The following PPP4R1 variants were observed in gnomAD, a reference collection of about 807,000 sequenced individuals.
The protein encoded by PPP4R1 is serine/threonine-protein phosphatase 4 regulatory subunit 1.
PPP4R1 carries 42 observed loss-of-function variants against 111.2 expected under a neutral mutation model. That is an observed-to-expected ratio of 0.38 (90% confidence interval 0.29 to 0.49). PPP4R1 has a LOEUF of 0.49. Ranked by LOEUF, PPP4R1 falls within the 20% of genes least tolerant of loss-of-function variation. The probability of loss-of-function intolerance (pLI) is 0.97; values close to 1 mark genes in which losing one functional copy is unlikely to be tolerated. For missense variants in PPP4R1, 1,012 were observed against 1,161.6 expected, an observed-to-expected ratio of 0.87 and a Z score of 1.87; for synonymous variants, 409 against 405.5, an observed-to-expected ratio of 1.01 and a Z score of -0.10.
At chr18:9,590,807 A>T (rs768494741) in intron 4 of PPP4R1, among the ~76,000 whole-genome samples, 44 of 152,200 alleles carry the variant, frequency 2.9e-4, no homozygotes, top group Non-Finnish European at 5.9e-4. Context: ...GTTAGAGAAT[A>T]CAGGAAAAGA....
At chr18:9,592,180 A>G (rs988061077) in intron 4 of PPP4R1, among the ~76,000 whole-genome samples, 2 of 152,198 alleles carry the variant, frequency 1.3e-5, no homozygotes, top group African/African-American at 4.8e-5. Flanking sequence ...TCTAAATCAC[A>G]AAAAGGTAAA....
intron 3 of PPP4R1, 62 bp downstream of exon 3, chr18:9,594,956 C>T: frequency 6.4e-7 from 1 of 1,554,726 alleles, no homozygotes; most frequent in Non-Finnish European, 8.8e-7. Context: ...TTTCATTTTC[C>T]CTACTGAAGT....
At chr18:9,597,612 A>G (rs1033179005) in intron 2 of PPP4R1, among the ~76,000 whole-genome samples, 1 of 152,242 alleles carries the variant, frequency 6.6e-6, no homozygotes, top group African/African-American at 2.4e-5. Flanking sequence ...TAAAAATTCT[A>G]AAATAAATGA....
chr18:9,556,126 A>C (rs758768440), intron 15 of PPP4R1, among the ~76,000 whole-genome samples: 112 of 149,422 alleles, frequency 7.5e-4, no homozygotes, highest in Non-Finnish European at 1.6e-3. Flanking sequence ...CTGCCACTGC[A>C]CTCCAGCCTT....
At chr18:9,562,751 C>T (rs139964113) in intron 12 of PPP4R1, among the ~76,000 whole-genome samples, 4 of 152,264 alleles carry the variant, frequency 2.6e-5, no homozygotes, top group South Asian at 2.1e-4. Flanking sequence ...TGTGACCATG[C>T]GATTCTGGCA....
intron 13 of PPP4R1, among the ~76,000 whole-genome samples, chr18:9,560,724 G>C (rs969931037): frequency 6.6e-6 from 1 of 152,008 alleles, no homozygotes; most frequent in African/African-American, 2.4e-5. Context: ...TAGATGTGGC[G>C]GTGCACATCT....
chr18:9,614,313 G>A lies in PPP4R1; in HGVS notation c.8-43C>T. ...AAGAAAGGCCCGGTCAGCGCCCCGG[G>A]GCCCGGCGCGACGCCCCCCCCCCGC... On this transcript the variant is annotated intron_variant, in intron 1 of 19. Coordinates refer to ENST00000400556, the MANE Select transcript of PPP4R1 (RefSeq NM_001042388.3). The surrounding 1 kb of genome is among the most constrained non-coding windows in gnomAD (Gnocchi z 4.1). 2 of 1,200,284 alleles carry A rather than the reference G, an allele frequency of 1.7e-6. No homozygotes were observed. The highest frequency in any genetic ancestry group is 1.0e-6 in the Non-Finnish European group (1 of 956,116). The allele number at this position is 1,200,284 out of a possible 1,614,324, so 74.4% of individuals were successfully genotyped here.
chr18:9,577,210 CAAT>C lies in PPP4R1; in HGVS notation c.919-22_919-20del, dbSNP rs772987912. 1 of 1,589,356 alleles carries C rather than the reference CAAT, an allele frequency of 6.3e-7. No homozygotes were observed. The highest frequency in any genetic ancestry group is 1.2e-5 in the South Asian group (1 of 86,398). ...GGCGAACCTAGGAAGATAAAAAGGA[CAAT>C]AATAAAGGAATCATTTTGAAAAAGA... On this transcript the variant is annotated intron_variant, in intron 9 of 19. Coordinates refer to ENST00000400556, the MANE Select transcript of PPP4R1 (RefSeq NM_001042388.3).
rs73942109 is a variant in PPP4R1 at position 9,606,513 on chromosome 18, T to G, written c.52+7713A>C. Among the ~76,000 whole-genome samples, 219 of 152,280 alleles carry G rather than the reference T, an allele frequency of 1.4e-3. 1 individual carries two copies. The highest frequency in any genetic ancestry group is 5.1e-3 in the African/African-American group (212 of 41,540). On this transcript the variant is annotated intron_variant, in intron 2 of 19. Transcript: ENST00000400556. Reference sequence around the variant, plus strand: ...AGCAACAGGTATGTCAAACTTTAATTTTGTACTTTGCAATAATATAAATAA... The same window carrying G: ...AGCAACAGGTATGTCAAACTTTAATGTTGTACTTTGCAATAATATAAATAA...
At chr18:9,601,883 C>G (rs1397541104) in intron 2 of PPP4R1, among the ~76,000 whole-genome samples, 1 of 152,124 alleles carries the variant, frequency 6.6e-6, no homozygotes, top group Admixed American at 6.5e-5. Context: ...TCTCTAAGAC[C>G]CTTTGAAAAC....
At position 9,600,027 on chromosome 18, in the gene PPP4R1, C is replaced by T. The variant is rs570861699; in HGVS notation, c.53-4874G>A. ...ATGAATAACCCCACTAATTTAAATG[C>T]AGACTGTTATACAACCATACTTAAG... On this transcript the variant is annotated intron_variant, in intron 2 of 19. Transcript: ENST00000400556. 2.1e-4 allele frequency among the ~76,000 whole-genome samples: 32 copies of T among 152,102 alleles called. No homozygotes were observed. In the South Asian group the frequency reaches 4.4e-3, roughly 21 times the overall value.
chr18:9,604,923 TTCTC>T (rs2067453123), intron 2 of PPP4R1, among the ~76,000 whole-genome samples: 1 of 152,222 alleles, frequency 6.6e-6, no homozygotes, highest in South Asian at 2.1e-4. Context: ...TACTTTATCC[TTCTC>T]TAAGATATTC....
chr18:9,557,684 T>C (rs2066609557), intron 14 of PPP4R1, among the ~76,000 whole-genome samples: 1 of 152,236 alleles, frequency 6.6e-6, no homozygotes, highest in South Asian at 2.1e-4. Flanking sequence ...AAGAAGAACA[T>C]GCTCTGTTAT....
chr18:9,583,036 TTTC>T, intron 9 of PPP4R1, 78 bp downstream of exon 9: 3 of 1,242,542 alleles, frequency 2.4e-6, no homozygotes, highest in Non-Finnish European at 2.2e-6. Context: ...TTATAAGTTA[TTTC>T]TTATGAGGTC....
chr18:9,563,139 A>G (rs967359827), intron 12 of PPP4R1: 35 of 1,212,556 alleles, frequency 2.9e-5, no homozygotes, highest in Non-Finnish European at 8.3e-6. Context: ...ATTAACATTG[A>G]GTCTACTAAA....
Position 9,614,414 on chromosome 18 carries a change from G to A in PPP4R1, c.7+64C>T. 1 of 1,014,382 alleles carries A rather than the reference G, an allele frequency of 9.9e-7. No individual in the cohort carries two copies. Among genetic ancestry groups the A allele is most frequent in the Non-Finnish European group, 1.2e-6 (1 of 849,544 alleles). 62.8% of individuals were successfully genotyped at this position (1,014,382 alleles called of 1,614,324 possible). On this transcript the variant is annotated intron_variant, in intron 1 of 19. Transcript: ENST00000400556. This position sits in a 1 kb window ranked among gnomAD's most constrained non-coding sequence, Gnocchi z 4.1. ...GGCCCCGGCCCGGCAGCCACTCAGG[G>A]CTGCGGCGGAGGGCGGGTGGGCTCG...
chr18:9,589,338 T>C lies in PPP4R1; in HGVS notation c.296-485A>G, dbSNP rs1048889584. ...AGACTAAAAATGGGTAAATGAAAAT[T>C]AAAGATGACAAATATTTTTTAAACA... On this transcript the variant is annotated intron_variant, in intron 4 of 19. Coordinates refer to ENST00000400556, the MANE Select transcript of PPP4R1 (RefSeq NM_001042388.3). 2.6e-5 allele frequency among the ~76,000 whole-genome samples: 4 copies of C among 152,072 alleles called. No homozygotes were observed. In the South Asian group the frequency reaches 8.3e-4, roughly 32 times the overall value.
intron 2 of PPP4R1, among the ~76,000 whole-genome samples, 183 bp from the exon 3 acceptor site, chr18:9,595,336 TG>T (rs1477811982): frequency 2.0e-5 from 3 of 152,238 alleles, no homozygotes; most frequent in East Asian, 3.9e-4. Flanking sequence ...CCTACAGATA[TG>T]TTCTACTTGG....
rs1598883239 is a variant in PPP4R1, at chr18:9,549,880, A to G, written c.2547+172T>C. 9 of 946,440 alleles carry G rather than the reference A, an allele frequency of 9.5e-6. 1 individual carries two copies. In the South Asian group the frequency reaches 1.4e-4, roughly 15 times the overall value. 58.6% of individuals were successfully genotyped at this position (946,440 alleles called of 1,614,324 possible). A position where few individuals can be genotyped will look rare whatever the true frequency, so the allele number is the denominator to read the frequency against. ...GGAGGGGCTTGGCTAGCTGGGAGAG[A>G]GGGGCCACCAGATGCCCAACAATGG... On this transcript the variant is annotated intron_variant, in intron 18 of 19. Coordinates refer to ENST00000400556, the MANE Select transcript of PPP4R1 (RefSeq NM_001042388.3).
Sources: gnomAD v4.1 joint callset for allele counts (sites outside exome capture counted in the v4.1 genomes callset) on GRCh38, gnomAD v4.1.1 for gene constraint, Gnocchi (gnomAD v3.1) non-coding constraint, MANE v1.5 for transcripts, NCBI Gene and HGNC (gene_info 2026-07-23, HGNC 2026-07-21) for gene names.